Variants in CDO1 observed in about 807,000 individuals in gnomAD.
CDO1 encodes cysteine dioxygenase, type I.
A neutral mutation model predicts 24.5 loss-of-function variants in CDO1; 19 were observed. That is an observed-to-expected ratio of 0.77 (90% CI 0.54 to 1.14). CDO1 has a LOEUF of 1.14. Among genes scored for constraint, CDO1 ranks in the 50% most tolerant of loss-of-function variants. The pLI is 0.00. For synonymous variants in CDO1, 91 were observed against 87.0 expected (o/e 1.05, Z -0.26); for missense variants, 244 against 244.8 (o/e 1.00, Z 0.02).
rs773026275 is a variant in CDO1, at chr5:115,811,265, C to T, written c.299G>A (p.Gly100Glu). 4 of 1,613,020 alleles carry T rather than the reference C, an allele frequency of 2.5e-6. No individual in the cohort carries two copies. The highest frequency in any genetic ancestry group is 3.4e-6 in the Non-Finnish European group (4 of 1,179,168). ...NSHCFLKMLQ[G>E]NLKETLFAWP... ...GGCAAATAATGTCTCCTTTAGATTT[C>T]CCTGTAGCATCTTCAGAAAGCAGTG... Residue 100 changes from glycine (G) to glutamate (E), a missense_variant, in exon 3 of 5, where the codon GGA (glycine) becomes GAA (glutamate). Physicochemically the swap from Gly to Glu is moderately conservative, Grantham distance 98 (BLOSUM62 -2). Transcript: ENST00000250535.
At chr5:115,808,249 G>A (rs956112822) in intron 3 of CDO1, among the ~76,000 whole-genome samples, 1 of 152,122 alleles carries the variant, frequency 6.6e-6, no homozygotes, top group Non-Finnish European at 1.5e-5. Flanking sequence ...AAAGTGCTGG[G>A]ATTACAGGTG....
chr5:115,814,464 A>G (rs867421077), intron 1 of CDO1: 1 of 152,216 alleles, frequency 6.6e-6, no homozygotes. Flanking sequence ...AGAGAACAGA[A>G]TCCTTCACAG....
chr5:115,815,211 C>T (rs1379764807), intron 1 of CDO1, among the ~76,000 whole-genome samples: 1 of 152,170 alleles, frequency 6.6e-6, no homozygotes, highest in Non-Finnish European at 1.5e-5. Flanking sequence ...CCCCTTTCTC[C>T]TAACCCTAAA....
chr5:115,806,270 C>T (rs924377254), intron 4 of CDO1, 79 bp downstream of exon 4: 2 of 888,436 alleles, frequency 2.3e-6, no homozygotes, highest in African/African-American at 1.8e-5. Flanking sequence ...TGAATTAAGA[C>T]TCATCTCATT....
chr5:115,816,383 T>C lies in CDO1; in HGVS notation c.15A>G (p.Glu5=). 1 of 1,613,354 alleles carries C rather than the reference T, an allele frequency of 6.2e-7. No individual in the cohort carries two copies. The highest frequency in any genetic ancestry group is 8.5e-7 in the Non-Finnish European group (1 of 1,179,980). The change falls in exon 1 of 5, where the codon GAA becomes GAG. Residue 5 remains glutamate, a synonymous_variant. Coordinates refer to ENST00000250535, the MANE Select transcript of CDO1 (RefSeq NM_001801.3). The part of the protein sequence containing the change: MEQT[E]VLKPRTLADL... The stretch of plus-strand genomic sequence containing the variant: ...CAGCCAGGGTCCGTGGCTTCAGCAC[T>C]TCGGTCTGTTCCATCTCGTGGGGAG...
Position 115,806,391 on chromosome 5 carries a change from G to C in CDO1, c.531C>G (p.Val177=). The change falls in exon 4 of 5, where the codon GTC becomes GTG. Residue 177 remains valine (V), a synonymous_variant. Coordinates refer to ENST00000250535, the MANE Select transcript of CDO1 (RefSeq NM_001801.3). Reference sequence around the variant, plus strand: ...CAAATTTACTATGGAATGTCATTGTGACTTTGTTTTTATGTCCTGTTCTTT... The same window carrying C: ...CAAATTTACTATGGAATGTCATTGTCACTTTGTTTTTATGTCCTGTTCTTT... The part of the protein sequence containing the change: ...FDQRTGHKNK[V]TMTFHSKFGI... The C allele has an allele frequency of 1.2e-6, 2 of 1,608,370 alleles. No individual in the cohort carries two copies. The highest frequency in any genetic ancestry group is 3.3e-4 in the Middle Eastern group (2 of 6,054).
At chr5:115,814,057 C>T (rs1365970563) in intron 1 of CDO1, 1 of 152,208 alleles carries the variant, frequency 6.6e-6, no homozygotes, top group Admixed American at 6.5e-5. Context: ...TTCATTTAGA[C>T]TGTCATGTTA....
chr5:115,816,529 A>G lies in CDO1; in HGVS notation c.-132T>C. ...TAAGCAGACACACACGCACAAACCC[A>G]GCATTAGAGTGCCGAAACGTAAGGA... On this transcript the variant is annotated 5_prime_UTR_variant, in exon 1 of 5. Coordinates refer to ENST00000250535, the MANE Select transcript of CDO1 (RefSeq NM_001801.3). The G allele has an allele frequency of 1.0e-6, 1 of 967,442 alleles. No homozygotes were observed. The highest frequency in any genetic ancestry group is 1.6e-6 in the Non-Finnish European group (1 of 640,786). 59.9% of individuals were successfully genotyped at this position (967,442 alleles called of 1,614,324 possible). A position where few individuals can be genotyped will look rare whatever the true frequency, so the allele number is the denominator to read the frequency against.
Position 115,811,327 on chromosome 5 carries a change from C to A in CDO1, c.249-12G>T. ...GATCATGAATACTGCTATATGTACA[C>A]AAAATGACAACTGAACTCAGTAGAT... On this transcript the variant is annotated splice_polypyrimidine_tract_variant and intron_variant, in intron 2 of 4. Coordinates refer to ENST00000250535, the MANE Select transcript of CDO1 (RefSeq NM_001801.3). 1.2e-6 allele frequency: 2 copies of A among 1,605,892 alleles called. No individual in the cohort carries two copies. The highest frequency in any genetic ancestry group is 2.2e-5 in the South Asian group (2 of 90,600).
chr5:115,816,113 C>T (rs922180156), intron 1 of CDO1, 115 bp downstream of exon 1: 28 of 1,061,742 alleles, frequency 2.6e-5, no homozygotes, highest in Admixed American at 1.2e-4. Flanking sequence ...GAGCGGCGGA[C>T]GCAGCGCGGC....
intron 3 of CDO1, among the ~76,000 whole-genome samples, chr5:115,807,444 G>A (rs1341011068): frequency 6.6e-6 from 1 of 152,118 alleles, no homozygotes; most frequent in African/African-American, 2.4e-5. Flanking sequence ...AAGGCCTCTA[G>A]TATGAAAGAC....
intron 2 of CDO1, among the ~76,000 whole-genome samples, chr5:115,812,038 A>G (rs551583615): frequency 3.3e-5 from 5 of 152,296 alleles, no homozygotes; most frequent in East Asian, 1.9e-4. Flanking sequence ...AAATATATGT[A>G]TCTATATACA....
Position 115,805,384 on chromosome 5 carries a change from C to G in CDO1, c.*49G>C. The G allele has an allele frequency of 1.3e-6, 2 of 1,575,364 alleles. No homozygotes were observed. Among genetic ancestry groups the G allele is most frequent in the Non-Finnish European group, 1.7e-6 (2 of 1,149,876 alleles). On this transcript the variant is annotated 3_prime_UTR_variant, in exon 5 of 5. Coordinates refer to ENST00000250535, the MANE Select transcript of CDO1 (RefSeq NM_001801.3). ...TGGTAGGTAGCCTTTTTGTCCAAGG[C>G]AAACATACAGCGAACCTTAAAGTAA...
At chr5:115,810,704 C>CTT (rs1760150196) in intron 3 of CDO1, among the ~76,000 whole-genome samples, 2 of 152,132 alleles carry the variant, frequency 1.3e-5, no homozygotes, top group Non-Finnish European at 2.9e-5. Flanking sequence ...ATGTATAAAT[C>CTT]ACTGGCCAAT....
At chr5:115,807,616 A>G (rs1009387822) in intron 3 of CDO1, among the ~76,000 whole-genome samples, 4 of 152,032 alleles carry the variant, frequency 2.6e-5, no homozygotes, top group African/African-American at 9.7e-5. Context: ...AAGGGTTGGC[A>G]GGAAATGCTG....
intron 3 of CDO1, among the ~76,000 whole-genome samples, chr5:115,810,009 G>A (rs1247966283): frequency 6.6e-6 from 1 of 152,086 alleles, no homozygotes; most frequent in Admixed American, 6.6e-5. Context: ...CCTTTAAAAA[G>A]CTTACCTATT....
At chr5:115,815,955 C>G (rs1760416838) in intron 1 of CDO1, among the ~76,000 whole-genome samples, 2 of 152,250 alleles carry the variant, frequency 1.3e-5, no homozygotes, top group South Asian at 4.1e-4. Context: ...GAAAATCTCG[C>G]AGACGCGCGG....
chr5:115,816,657 T>C lies in CDO1; in HGVS notation c.-260A>G. ...TGCACACACAAATCAGGTTCAGATC[T>C]GTGGGGTTCATCCTCCCGGGCCCCT... On this transcript the variant is annotated 5_prime_UTR_variant, in exon 1 of 5. Transcript: ENST00000250535. 2.1e-6 allele frequency: 1 copy of C among 473,690 alleles called. No homozygotes were observed. Among genetic ancestry groups the C allele is most frequent in the Non-Finnish European group, 3.9e-6 (1 of 259,150 alleles). 29.3% of individuals were successfully genotyped at this position (473,690 alleles called of 1,614,324 possible).
chr5:115,811,352 T>C (rs760559231), intron 2 of CDO1, 37 bp from the exon 3 acceptor site: 1 of 1,547,040 alleles, frequency 6.5e-7, no homozygotes, highest in South Asian at 1.1e-5. Context: ...ACTCAGTAGA[T>C]GGTCTAGTAT....
Sources: gnomAD v4.1 joint callset for allele counts (sites outside exome capture counted in the v4.1 genomes callset) on GRCh38, gnomAD v4.1.1 for gene constraint, MANE v1.5 for transcripts, NCBI Gene and HGNC (gene_info 2026-07-23, HGNC 2026-07-21) for gene names.